The following NOL4 variants were observed in gnomAD, a reference collection of about 807,000 sequenced individuals.
The protein encoded by NOL4 is cancer/testis antigen 125.
NOL4 carries 17 observed loss-of-function variants against 75.9 expected under a neutral mutation model. The observed-to-expected ratio is 0.22, with a 90% CI of 0.15 to 0.34. NOL4 has a LOEUF of 0.34. Among genes scored for constraint, NOL4 ranks in the 10% least tolerant of loss-of-function variants. The probability of loss-of-function intolerance (pLI) is 1.00; values close to 1 mark genes in which losing one functional copy is unlikely to be tolerated. For missense variants in NOL4, 614 were observed against 793.5 expected (o/e 0.77, Z 2.72); for synonymous variants, 292 against 289.9 (o/e 1.01, Z -0.07).
chr18:33,860,176 A>G (rs1481470124), intron 10 of NOL4, among the ~76,000 whole-genome samples: 1 of 152,072 alleles, frequency 6.6e-6, no homozygotes, highest in Non-Finnish European at 1.5e-5. Flanking sequence ...AACCACCCCC[A>G]TGGTCCAATA....
chr18:34,091,899 T>G (rs564930404), intron 5 of NOL4, among the ~76,000 whole-genome samples: 2 of 152,130 alleles, frequency 1.3e-5, no homozygotes, highest in Middle Eastern at 6.8e-3. Context: ...ATATTTGGAG[T>G]TATTCTACTG....
chr18:34,044,959 G>T (rs2076298052), intron 5 of NOL4, among the ~76,000 whole-genome samples: 1 of 152,116 alleles, frequency 6.6e-6, no homozygotes, highest in East Asian at 1.9e-4. Flanking sequence ...TTTTCCATTG[G>T]TCATGCTCAC....
chr18:34,070,659 C>T (rs1020270843), intron 5 of NOL4, among the ~76,000 whole-genome samples: 1 of 152,084 alleles, frequency 6.6e-6, no homozygotes, highest in Non-Finnish European at 1.5e-5. Context: ...AGCCCATAAA[C>T]AATGGCTGAG....
chr18:33,973,901 T>C (rs1036683661), intron 6 of NOL4, among the ~76,000 whole-genome samples: 5 of 152,222 alleles, frequency 3.3e-5, no homozygotes, highest in African/African-American at 7.2e-5. Context: ...AGGATTTTCA[T>C]AATGATAAAT....
intron 10 of NOL4, among the ~76,000 whole-genome samples, chr18:33,864,067 G>T (rs2063314190): frequency 6.6e-6 from 1 of 152,166 alleles, no homozygotes; most frequent in South Asian, 2.1e-4. Flanking sequence ...TGGCTGGGAT[G>T]CAGGGCACCA....
At chr18:34,077,440 TAC>T (rs1040291449) in intron 5 of NOL4, among the ~76,000 whole-genome samples, 3 of 152,040 alleles carry the variant, frequency 2.0e-5, no homozygotes, top group Non-Finnish European at 2.9e-5. Flanking sequence ...TACACATATA[TAC>T]ACACACACAA....
At chr18:33,894,529 T>G (rs1191150177) in intron 9 of NOL4, among the ~76,000 whole-genome samples, 1 of 152,136 alleles carries the variant, frequency 6.6e-6, no homozygotes, top group Non-Finnish European at 1.5e-5. Flanking sequence ...ATGTTTTGAC[T>G]AAATCCAGAC....
At chr18:33,949,811 G>T (rs901465136) in intron 8 of NOL4, among the ~76,000 whole-genome samples, 2 of 151,958 alleles carry the variant, frequency 1.3e-5, no homozygotes, top group Non-Finnish European at 2.9e-5. Context: ...CATTAATAAT[G>T]ATCTTTTATG....
At position 34,082,150 on chromosome 18, in the gene NOL4, T is replaced by C. The variant is rs1236860894; in HGVS notation, c.772+11315A>G. Among the ~76,000 whole-genome samples, 22 of 152,142 alleles carry C rather than the reference T, an allele frequency of 1.4e-4. 1 individual carries two copies. The highest frequency in any genetic ancestry group is 1.4e-3 in the Admixed American group (22 of 15,262). On this transcript the variant is annotated intron_variant, in intron 5 of 10. Transcript: ENST00000261592. ...AAGAACATAATGGAATGGTTGAGCC[T>C]GCAAAGCATAAAACAATAGGTGTGA...
chr18:33,973,181 A>G (rs914856857), intron 6 of NOL4, among the ~76,000 whole-genome samples: 5 of 152,224 alleles, frequency 3.3e-5, no homozygotes, highest in African/African-American at 1.2e-4. Flanking sequence ...TGTTTCAACA[A>G]TGCTCACAGG....
intron 6 of NOL4, among the ~76,000 whole-genome samples, chr18:33,967,218 C>T (rs1057359488): frequency 2.0e-5 from 3 of 152,068 alleles, no homozygotes; most frequent in African/African-American, 7.2e-5. Flanking sequence ...CAAACACAAG[C>T]AATAGGGAAA....
At chr18:34,179,430 G>A (rs866661310) in intron 1 of NOL4, among the ~76,000 whole-genome samples, 1 of 151,278 alleles carries the variant, frequency 6.6e-6, no homozygotes, top group African/African-American at 2.4e-5. Context: ...TGGTTGGTTT[G>A]TGGTAAAGAT....
chr18:34,106,032 G>A (rs1304004788), intron 2 of NOL4, among the ~76,000 whole-genome samples: 7 of 151,924 alleles, frequency 4.6e-5, no homozygotes, highest in Non-Finnish European at 1.0e-4. Flanking sequence ...GTCTGATGCC[G>A]GGCTTCAGTT....
intron 6 of NOL4, among the ~76,000 whole-genome samples, chr18:33,966,789 A>AG (rs2070637617): frequency 6.6e-6 from 1 of 152,178 alleles, no homozygotes; most frequent in Non-Finnish European, 1.5e-5. Flanking sequence ...AATGAGGTAA[A>AG]AGACCTCTAC....
At chr18:33,991,042 T>A (rs961670581) in intron 6 of NOL4, among the ~76,000 whole-genome samples, 1 of 152,084 alleles carries the variant, frequency 6.6e-6, no homozygotes, top group Non-Finnish European at 1.5e-5. Flanking sequence ...AGGTGTCCAA[T>A]TCTTTGGGTC....
At chr18:34,137,509 A>G (rs1487188328) in intron 1 of NOL4, among the ~76,000 whole-genome samples, 1 of 152,190 alleles carries the variant, frequency 6.6e-6, no homozygotes, top group African/African-American at 2.4e-5. Flanking sequence ...AGATGTTTAA[A>G]TGACAAACAA....
intron 9 of NOL4, among the ~76,000 whole-genome samples, chr18:33,893,436 G>A (rs140853260): frequency 2.0e-4 from 30 of 152,234 alleles, no homozygotes; most frequent in Admixed American, 4.6e-4. Context: ...ACTTACTCTA[G>A]ATGCCTAAGA....
chr18:33,986,705 C>T (rs1568173451), intron 6 of NOL4, among the ~76,000 whole-genome samples: 1 of 152,066 alleles, frequency 6.6e-6, no homozygotes, highest in Non-Finnish European at 1.5e-5. Flanking sequence ...CTTTGACAAT[C>T]AGTTGGGCAT....
chr18:34,045,288 T>C (rs1207840838), intron 5 of NOL4, among the ~76,000 whole-genome samples: 1 of 152,184 alleles, frequency 6.6e-6, no homozygotes, highest in African/African-American at 2.4e-5. Flanking sequence ...CTATGATTTC[T>C]TTCCCATTTA....
Sources: gnomAD v4.1 joint callset for allele counts (sites outside exome capture counted in the v4.1 genomes callset) on GRCh38, gnomAD v4.1.1 for gene constraint, MANE v1.5 for transcripts, NCBI Gene and HGNC (gene_info 2026-07-23, HGNC 2026-07-21) for gene names.